Variants in SLC47A1 observed in about 807,000 individuals in gnomAD.
SLC47A1 encodes solute carrier family 47 member 1, also known as multidrug and toxin extrusion protein 1.
SLC47A1 carries 58 observed loss-of-function variants against 65.8 expected under a neutral mutation model. The observed-to-expected ratio is 0.88, with a 90% CI of 0.71 to 1.10. The LOEUF (loss-of-function observed/expected upper bound fraction) is 1.10, where lower values mean the gene tolerates loss of function less well. Ranked by LOEUF, SLC47A1 falls within the 50% of genes least tolerant of loss-of-function variation. The pLI, the probability that SLC47A1 is intolerant of heterozygous loss-of-function variation, is 0.00. For synonymous variants in SLC47A1, 285 were observed against 295.0 expected (o/e 0.97, Z 0.35); for missense variants, 706 against 719.2 (o/e 0.98, Z 0.21).
intron 14 of SLC47A1, among the ~76,000 whole-genome samples, chr17:19,569,539 T>G (rs2084384153): frequency 6.6e-6 from 1 of 152,206 alleles, no homozygotes; most frequent in Non-Finnish European, 1.5e-5. Context: ...TTGAGTATTG[T>G]GTCTCCTGGT....
At chr17:19,540,876 A>ACACACACACC (rs774836898) in intron 1 of SLC47A1, among the ~76,000 whole-genome samples, 8 of 149,758 alleles carry the variant, frequency 5.3e-5, no homozygotes, top group African/African-American at 1.7e-4. Flanking sequence ...ACACACACAC[A>ACACACACACC]CCCCTAGGGT....
chr17:19,535,922 C>A (rs116711571), intron 1 of SLC47A1, among the ~76,000 whole-genome samples: 2,487 of 152,262 alleles, frequency 0.016, 78 homozygotes, highest in African/African-American at 0.057. Context: ...CACTCCCTCA[C>A]AGAGCTGCTG....
At position 19,577,487 on chromosome 17, in the gene SLC47A1, G is replaced by C. The variant is rs1242133007; in HGVS notation, c.1647G>C (p.Leu549=). ...RKQLVLRRGL[L]LLGVFLILLV... ...AGCTGGTGCTGCGGCGAGGGCTTCT[G>C]CTCCTGGGGGTCTTCTTAATCTTGC... Residue 549 remains leucine, a synonymous_variant, in exon 17 of 17, where the codon CTG becomes CTC. Coordinates refer to ENST00000270570, the MANE Select transcript of SLC47A1 (RefSeq NM_018242.3). 2.5e-6 allele frequency: 4 copies of C among 1,614,066 alleles called. No homozygotes were observed. In the African/African-American group the frequency reaches 5.3e-5, roughly 22 times the overall value.
intron 14 of SLC47A1, chr17:19,567,660 C>T (rs929955509): frequency 5.1e-6 from 1 of 197,828 alleles, no homozygotes; most frequent in Admixed American, 5.3e-5. Context: ...CTATCGTAGG[C>T]GGTCCTGCGT....
intron 16 of SLC47A1, among the ~76,000 whole-genome samples, chr17:19,574,573 G>C (rs1760803170): frequency 6.6e-6 from 1 of 152,170 alleles, no homozygotes; most frequent in African/African-American, 2.4e-5. Flanking sequence ...GGAAGGGTTG[G>C]TGGATGTTTT....
In SLC47A1 at chr17:19,573,652, G is replaced by A. The variant is rs533739061; in HGVS notation, c.1486+791G>A. ...CCTGCCTTGGCCTCCCAAAGCAGTG[G>A]GATTACAGGCGTGAGCCACCACACC... On this transcript the variant is annotated intron_variant, in intron 16 of 16. Transcript: ENST00000270570. Among the ~76,000 whole-genome samples, 31 of 152,098 alleles carry A rather than the reference G, an allele frequency of 2.0e-4. 1 individual carries two copies. The highest frequency in any genetic ancestry group is 6.7e-4 in the African/African-American group (28 of 41,486).
chr17:19,572,107 T>C (rs941204390), intron 15 of SLC47A1, among the ~76,000 whole-genome samples: 22 of 152,154 alleles, frequency 1.4e-4, no homozygotes, highest in Non-Finnish European at 1.5e-5. Flanking sequence ...TCATCTGTGA[T>C]CACTGCACTC....
chr17:19,536,253 CAATAATAATAAT>C (rs5819675), intron 1 of SLC47A1, among the ~76,000 whole-genome samples: 1 of 145,516 alleles, frequency 6.9e-6, no homozygotes, highest in East Asian at 2.0e-4. Context: ...AATAGTATAG[CAATAATAATAAT>C]AATAATAATA....
intron 15 of SLC47A1, among the ~76,000 whole-genome samples, chr17:19,572,174 AAG>A (rs1195964092): frequency 6.6e-6 from 1 of 152,152 alleles, no homozygotes; most frequent in African/African-American, 2.4e-5. Flanking sequence ...TTTAAAAAGA[AAG>A]AGATAAAGTA....
At position 19,533,961 on chromosome 17, in the gene SLC47A1, G is replaced by A. The variant is rs763664282; in HGVS notation, c.22G>A (p.Ala8Thr). The stretch of plus-strand genomic sequence containing the variant: ...TCACATGGAAGCTCCTGAGGAGCCC[G>A]CGCCAGTGCGCGGAGGCCCGGAGGC... MEAPEEP[A>T]PVRGGPEATL... is the part of the protein sequence containing the mutation. The change falls in exon 1 of 17, where the codon GCG becomes ACG. Residue 8 changes from alanine to threonine, a missense_variant. By Grantham distance (58) the Ala-to-Thr change is moderately conservative. Transcript: ENST00000270570. 3.9e-6 allele frequency: 6 copies of A among 1,533,430 alleles called. No homozygotes were observed. The Admixed American group carries it at 1.0e-4, about 26-fold the overall frequency. The allele number at this position is 1,533,430 out of a possible 1,614,324, so 95.0% of individuals were successfully genotyped here. A position where few individuals can be genotyped will look rare whatever the true frequency, so the allele number is the denominator to read the frequency against.
chr17:19,570,684 T>C (rs1036955303), intron 14 of SLC47A1, among the ~76,000 whole-genome samples: 3 of 152,306 alleles, frequency 2.0e-5, no homozygotes, highest in South Asian at 2.1e-4. Flanking sequence ...GAAGGCTGGC[T>C]TCCTGGGTTT....
At position 19,567,086 on chromosome 17, in the gene SLC47A1, C is replaced by T. The variant is rs760230713; in HGVS notation, c.1177-10C>T. 6 of 1,614,064 alleles carry T rather than the reference C, an allele frequency of 3.7e-6. No homozygotes were observed. The highest frequency in any genetic ancestry group is 3.4e-6 in the Non-Finnish European group (4 of 1,180,016). On this transcript the variant is annotated splice_polypyrimidine_tract_variant and intron_variant, in intron 13 of 16. Transcript: ENST00000270570. ...TGTGTTCACAGTGATGGAATGCTCT[C>T]TGCCTGCAGTGCACGAGTGGTGGTG...
At chr17:19,538,458 A>C in intron 1 of SLC47A1, among the ~76,000 whole-genome samples, 1 of 152,234 alleles carries the variant, frequency 6.6e-6, no homozygotes, top group East Asian at 1.9e-4. Flanking sequence ...AATTCCAAGT[A>C]CAGTTTCTAC....
rs748531951 is a variant in SLC47A1 at position 19,551,402 on chromosome 17, C to A, written c.499-22C>A. ...GTGGCAAGGCTGAAACATTAACATT[C>A]ATCTCTCTTGTTCTCTTGTAGGCAA... On this transcript the variant is annotated intron_variant, in intron 5 of 16. Coordinates refer to ENST00000270570, the MANE Select transcript of SLC47A1 (RefSeq NM_018242.3). 1.9e-6 allele frequency: 3 copies of A among 1,588,020 alleles called. No individual in the cohort carries two copies. In the African/African-American group the frequency reaches 4.0e-5, roughly 21 times the overall value.
intron 16 of SLC47A1, among the ~76,000 whole-genome samples, chr17:19,574,148 C>G (rs574805277): frequency 1.3e-5 from 2 of 152,092 alleles, no homozygotes; most frequent in African/African-American, 4.8e-5. Context: ...GTCTCGAACT[C>G]CTGACCACAA....
At chr17:19,548,201 A>G in intron 4 of SLC47A1, 68 bp downstream of exon 4, 1 of 1,555,564 alleles carries the variant, frequency 6.4e-7, no homozygotes, top group Non-Finnish European at 8.7e-7. Flanking sequence ...GTCTGGGTGC[A>G]GCCAGGGCCA....
Position 19,560,493 on chromosome 17 carries a change from G to C in SLC47A1, c.1106G>C (p.Arg369Pro). ...GTGGGGTACATTTTTACTACCGACC[G>C]GTGAGTGCTAGGATTTTCTTGAAAT... ...DHVGYIFTTD[R>P]DIINLVAQVV... Residue 369 changes from arginine to proline, a missense_variant and splice_region_variant, in exon 12 of 17, where the codon CGA becomes CCA. Coordinates refer to ENST00000270570, the MANE Select transcript of SLC47A1 (RefSeq NM_018242.3). The C allele has an allele frequency of 6.2e-7, 1 of 1,613,938 alleles. No homozygotes were observed. The highest frequency in any genetic ancestry group is 1.1e-5 in the South Asian group (1 of 91,078).
intron 15 of SLC47A1, 26 bp downstream of exon 15, chr17:19,571,598 A>G: frequency 6.3e-7 from 1 of 1,576,404 alleles, no homozygotes; most frequent in African/African-American, 1.4e-5. Flanking sequence ...CTGTCCCGGT[A>G]AAGGTTCCTC....
At chr17:19,549,611 TTTC>T in intron 4 of SLC47A1, 21 bp from the exon 5 acceptor site, 1 of 1,613,334 alleles carries the variant, frequency 6.2e-7, no homozygotes, top group Non-Finnish European at 8.5e-7. Context: ...CAGTTTTTGT[TTTC>T]TTTTTCTTTT....
Sources: allele counts gnomAD v4.1 joint callset (sites outside exome capture counted in the v4.1 genomes callset), GRCh38; gene constraint gnomAD v4.1.1; transcripts MANE v1.5; gene names NCBI Gene and HGNC (gene_info 2026-07-23, HGNC 2026-07-21).